The following RAC3 variants were observed in gnomAD, a reference collection of about 807,000 sequenced individuals.
The protein encoded by RAC3 is ras-related C3 botulinum toxin substrate 3.
Under a neutral mutation model 19.0 loss-of-function variants are expected in RAC3, and 9 were observed. The ratio of observed to expected loss-of-function variants is 0.47; its 90% CI spans 0.29 to 0.83. The LOEUF is 0.83. RAC3 is among the 40% of genes least tolerant of loss of function. The pLI, the probability that RAC3 is intolerant of heterozygous loss-of-function variation, is 0.09. For missense variants in RAC3, 203 were observed against 260.8 expected, an observed-to-expected ratio of 0.78 and a Z score of 1.53; for synonymous variants, 146 against 111.8, an observed-to-expected ratio of 1.31 and a Z score of -1.93.
In RAC3 at chr17:82,034,190, C is replaced by CAT. The variant is rs1465232073; in HGVS notation, c.*362_*363dup. 1.5e-5 allele frequency: 3 copies of CAT among 203,982 alleles called. No homozygotes were observed. The highest frequency in any genetic ancestry group is 7.0e-5 in the African/African-American group (3 of 42,892). 12.6% of individuals were successfully genotyped at this position (203,982 alleles called of 1,614,324 possible). A position where few individuals can be genotyped will look rare whatever the true frequency, so the allele number is the denominator to read the frequency against. The stretch of plus-strand genomic sequence containing the variant: ...GCCCCTTCTCATTTTATACAATAAA[C>CAT]ATTCTCCACCTACACCTCTTGCCTC... On this transcript the variant is annotated 3_prime_UTR_variant, in exon 6 of 6. Transcript: ENST00000306897.
In RAC3 at chr17:82,033,773, G is replaced by T; in HGVS notation, c.523G>T (p.Ala175Ser). Residue 175 changes from alanine to serine, a missense_variant, in exon 6 of 6, where the codon GCG (alanine) becomes TCG (serine). Transcript: ENST00000306897. The surrounding 1 kb of genome is among the most constrained non-coding windows in gnomAD (Gnocchi z 6.2). The part of the protein sequence containing the change: ...LKTVFDEAIR[A>S]VLCPPPVKKP... ...GACAGTGTTTGACGAGGCGATCCGC[G>T]CGGTGCTCTGCCCGCCCCCAGTGAA... The T allele has an allele frequency of 6.2e-7, 1 of 1,612,548 alleles. No individual in the cohort carries two copies. The highest frequency in any genetic ancestry group is 1.1e-5 in the South Asian group (1 of 91,054).
Position 82,032,580 on chromosome 17 carries a change from C to A in RAC3, c.107+122C>A, listed in dbSNP as rs926799539. 3.5e-6 allele frequency: 5 copies of A among 1,443,446 alleles called. No individual in the cohort carries two copies. The Admixed American group carries it at 8.7e-5, about 25-fold the overall frequency. 89.4% of individuals were successfully genotyped at this position (1,443,446 alleles called of 1,614,324 possible). A position where few individuals can be genotyped will look rare whatever the true frequency, so the allele number is the denominator to read the frequency against. On this transcript the variant is annotated intron_variant, in intron 2 of 5. Transcript: ENST00000306897. ...TCAGGTGGCCCTGTCTCTGGGCTTCCCGGCTGGAGCTGAGGTGCTGGCCAG... is the reference window on the plus strand; with the variant it reads ...TCAGGTGGCCCTGTCTCTGGGCTTCACGGCTGGAGCTGAGGTGCTGGCCAG...
chr17:82,033,908 T>C lies in RAC3; in HGVS notation c.*79T>C. 7.0e-7 allele frequency: 1 copy of C among 1,421,106 alleles called. No individual in the cohort carries two copies. The highest frequency in any genetic ancestry group is 9.4e-7 in the Non-Finnish European group (1 of 1,063,774). 88.0% of individuals were successfully genotyped at this position (1,421,106 alleles called of 1,614,324 possible). ...CGCTGTTGTGTTGAGACGTGTGGTG[T>C]CCCTGAGTCGGCTGTGGGGAGCGGT... On this transcript the variant is annotated 3_prime_UTR_variant, in exon 6 of 6. Coordinates refer to ENST00000306897, the MANE Select transcript of RAC3 (RefSeq NM_005052.3). The surrounding 1 kb of genome is among the most constrained non-coding windows in gnomAD (Gnocchi z 6.2).
chr17:82,032,665 T>C (rs1286167586), intron 2 of RAC3, 46 bp from the exon 3 acceptor site: 1 of 1,566,454 alleles, frequency 6.4e-7, no homozygotes, highest in East Asian at 2.2e-5. Context: ...GCTGGGGGTT[T>C]CTGGGACCCC....
chr17:82,032,350 C>T (rs2043438968), intron 1 of RAC3, 37 bp from the exon 2 acceptor site: 1 of 1,607,258 alleles, frequency 6.2e-7, no homozygotes, highest in Non-Finnish European at 8.5e-7. Context: ...GGGTCCGAGG[C>T]CGGGCCCGGG....
Position 82,033,140 on chromosome 17 carries a change from AC to A in RAC3, c.288+133del. 9.5e-7 allele frequency: 1 copy of A among 1,052,774 alleles called. No individual in the cohort carries two copies. Among genetic ancestry groups the A allele is most frequent in the Non-Finnish European group, 1.4e-6 (1 of 704,866 alleles). 65.2% of individuals were successfully genotyped at this position (1,052,774 alleles called of 1,614,324 possible). On this transcript the variant is annotated intron_variant, in intron 4 of 5. Coordinates refer to ENST00000306897, the MANE Select transcript of RAC3 (RefSeq NM_005052.3). The surrounding 1 kb of genome is among the most constrained non-coding windows in gnomAD (Gnocchi z 6.2). ...GCACACGGAGTGGGGTCTGAAGATG[AC>A]CATGGGGGCTGATGGGGTGCCGTGG...
chr17:82,032,391 G>C lies in RAC3; in HGVS notation c.40G>C (p.Val14Leu). 6.2e-7 allele frequency: 1 copy of C among 1,612,808 alleles called. No individual in the cohort carries two copies. Among genetic ancestry groups the C allele is most frequent in the Non-Finnish European group, 8.5e-7 (1 of 1,179,932 alleles). Residue 14 changes from valine (V) to leucine (L), a missense_variant, in exon 2 of 6, where the codon GTG becomes CTG. Coordinates refer to ENST00000306897, the MANE Select transcript of RAC3 (RefSeq NM_005052.3). ...IKCVVVGDGA[V>L]GKTCLLISYT... is the part of the protein sequence containing the mutation. ...CGTGGCTTGCCCTGTCCGCAGCGCC[G>C]TGGGGAAGACATGCTTGCTGATCAG...
intron 1 of RAC3, 104 bp from the exon 2 acceptor site, chr17:82,032,283 C>A: frequency 8.9e-7 from 1 of 1,124,518 alleles, no homozygotes; most frequent in Non-Finnish European, 1.3e-6. Context: ...CTCTCGACCC[C>A]AGACGCCCCT....
In RAC3 at chr17:82,032,547, A is replaced by C. The variant is rs2043441340; in HGVS notation, c.107+89A>C. The C allele has an allele frequency of 5.2e-6, 8 of 1,526,270 alleles. No individual in the cohort carries two copies. In the Admixed American group the frequency reaches 1.4e-4, roughly 26 times the overall value. 94.5% of individuals were successfully genotyped at this position (1,526,270 alleles called of 1,614,324 possible). A position where few individuals can be genotyped will look rare whatever the true frequency, so the allele number is the denominator to read the frequency against. On this transcript the variant is annotated intron_variant, in intron 2 of 5. Coordinates refer to ENST00000306897, the MANE Select transcript of RAC3 (RefSeq NM_005052.3). ...CGGGCAGGGTCTCCTCTGGGCTTCCACGTCGGCTCAGGTGGCCCTGTCTCT... is the reference window on the plus strand; with the variant it reads ...CGGGCAGGGTCTCCTCTGGGCTTCCCCGTCGGCTCAGGTGGCCCTGTCTCT...
In RAC3 at chr17:82,033,590, C is replaced by A. The variant is rs913339073; in HGVS notation, c.439C>A (p.Arg147=). 6.2e-7 allele frequency: 1 copy of A among 1,609,982 alleles called. No homozygotes were observed. Among genetic ancestry groups the A allele is most frequent in the Admixed American group, 1.7e-5 (1 of 59,818 alleles). The part of the protein sequence containing the change: ...ITYPQGLAMA[R]EIGSVKYLEC... The stretch of plus-strand genomic sequence containing the variant: ...CTACCCACAGGGCCTGGCCATGGCC[C>A]GGGAGATTGGTGGGTAGGCGCTGGC... The change falls in exon 5 of 6, where the codon CGG becomes AGG. Residue 147 remains arginine (R), a synonymous_variant. Transcript: ENST00000306897. This position sits in a 1 kb window ranked among gnomAD's most constrained non-coding sequence, Gnocchi z 6.2.
intron 3 of RAC3, 34 bp downstream of exon 3, chr17:82,032,862 G>T (rs757923520): frequency 1.2e-6 from 2 of 1,611,526 alleles, no homozygotes; most frequent in Non-Finnish European, 1.7e-6. Flanking sequence ...CGGGAGCTGG[G>T]GGGGTCCCTG....
chr17:82,033,775 G>A lies in RAC3; in HGVS notation c.525G>A (p.Ala175=), dbSNP rs752058139. ...LKTVFDEAIR[A]VLCPPPVKKP... ...CAGTGTTTGACGAGGCGATCCGCGCGGTGCTCTGCCCGCCCCCAGTGAAGA... is the reference window on the plus strand; with the variant it reads ...CAGTGTTTGACGAGGCGATCCGCGCAGTGCTCTGCCCGCCCCCAGTGAAGA... The change falls in exon 6 of 6, where the codon GCG becomes GCA. Residue 175 remains alanine, a synonymous_variant. Coordinates refer to ENST00000306897, the MANE Select transcript of RAC3 (RefSeq NM_005052.3). The surrounding 1 kb of genome is among the most constrained non-coding windows in gnomAD (Gnocchi z 6.2). The A allele has an allele frequency of 3.0e-5, 48 of 1,612,326 alleles. No homozygotes were observed. The highest frequency in any genetic ancestry group is 6.7e-5 in the African/African-American group (5 of 74,890).
At chr17:82,032,489 G>C (rs748755776) in intron 2 of RAC3, 31 bp downstream of exon 2, 2 of 1,606,634 alleles carry the variant, frequency 1.2e-6, no homozygotes, top group East Asian at 4.5e-5. Flanking sequence ...GGAGAGCACA[G>C]GCCCTCCGTG....
Position 82,033,517 on chromosome 17 carries a change from C to T in RAC3, c.366C>T (p.Asp122=). 6.2e-7 allele frequency: 1 copy of T among 1,612,958 alleles called. No individual in the cohort carries two copies. Among genetic ancestry groups the T allele is most frequent in the Non-Finnish European group, 8.5e-7 (1 of 1,179,836 alleles). The change falls in exon 5 of 6, where the codon GAC becomes GAT. Residue 122 remains aspartate, a synonymous_variant. Transcript: ENST00000306897. The surrounding 1 kb of genome is among the most constrained non-coding windows in gnomAD (Gnocchi z 6.2). The stretch of plus-strand genomic sequence containing the variant: ...GCACCAAGCTGGACCTCCGCGACGA[C>T]AAGGACACCATTGAGCGGCTGCGGG... ...LVGTKLDLRD[D]KDTIERLRDK...
Position 82,032,688 on chromosome 17 carries a change from ACCCTG to A in RAC3, c.108-18_108-14del. 6.2e-7 allele frequency: 1 copy of A among 1,606,592 alleles called. No homozygotes were observed. The highest frequency in any genetic ancestry group is 8.5e-7 in the Non-Finnish European group (1 of 1,174,272). ...TTTCTGGGACCCCTCCCAAGCCCTG[ACCCTG>A]CCCTCACTGCTCTGCAGTTTTGACA... On this transcript the variant is annotated intron_variant, in intron 2 of 5. Transcript: ENST00000306897.
rs769990334 is a variant in RAC3, at chr17:82,032,819, C to T, written c.216C>T (p.Tyr72=). 1.4e-5 allele frequency: 23 copies of T among 1,612,806 alleles called. No homozygotes were observed. The highest frequency in any genetic ancestry group is 3.3e-5 in the South Asian group (3 of 91,092). ...EDYDRLRPLS[Y]PQTDVFLICF... is the part of the protein sequence containing the mutation. ...ACGATCGGCTGCGGCCACTCTCCTA[C>T]CCCCAAACTGTACGTAACAATGGGG... The change falls in exon 3 of 6, where the codon TAC becomes TAT. Residue 72 remains tyrosine (Y), a synonymous_variant. Coordinates refer to ENST00000306897, the MANE Select transcript of RAC3 (RefSeq NM_005052.3).
In RAC3 at chr17:82,034,039, G is replaced by A. The variant is rs1002865320; in HGVS notation, c.*210G>A. ...GCTCCAGCCTTCCCTGGCCCCCGCC[G>A]GAGGCCGGGAGGGAGCAGGGTCTCC... On this transcript the variant is annotated 3_prime_UTR_variant, in exon 6 of 6. Transcript: ENST00000306897. The A allele has an allele frequency of 3.5e-5, 19 of 550,146 alleles. No individual in the cohort carries two copies. The highest frequency in any genetic ancestry group is 1.3e-4 in the South Asian group (5 of 37,226). 34.1% of individuals were successfully genotyped at this position (550,146 alleles called of 1,614,324 possible).
intron 1 of RAC3, chr17:82,032,160 G>A (rs2043436974): frequency 1.8e-6 from 1 of 567,510 alleles, no homozygotes; most frequent in Non-Finnish European, 3.1e-6. Flanking sequence ...TCTGCCTGGG[G>A]CCCCAGTGTG....
At chr17:82,032,633 C>A in intron 2 of RAC3, 78 bp from the exon 3 acceptor site, 1 of 1,486,028 alleles carries the variant, frequency 6.7e-7, no homozygotes. Flanking sequence ...GACTTGTGAA[C>A]CCCAAGACAC....
Sources: allele counts gnomAD v4.1 joint callset, GRCh38; gene constraint gnomAD v4.1.1; non-coding constraint Gnocchi (gnomAD v3.1); transcripts MANE v1.5; gene names NCBI Gene and HGNC (gene_info 2026-07-23, HGNC 2026-07-21).